The following ZNF503 variants were observed in gnomAD, a reference collection of about 807,000 sequenced individuals.
The protein encoded by ZNF503 is zinc finger protein 503.
In ZNF503, 15 loss-of-function variants were observed where a neutral mutation model predicts 34.4. The ratio of observed to expected loss-of-function variants is 0.44; its 90% CI spans 0.29 to 0.67. The LOEUF (loss-of-function observed/expected upper bound fraction) is 0.67, where lower values mean the gene tolerates loss of function less well. ZNF503 is among the 30% of genes least tolerant of loss of function. The pLI, the probability that ZNF503 is intolerant of heterozygous loss-of-function variation, is 0.13. For synonymous variants in ZNF503, 580 were observed against 456.8 expected, an observed-to-expected ratio of 1.27 and a Z score of -3.44; for missense variants, 1,007 against 926.8, an observed-to-expected ratio of 1.09 and a Z score of -1.12.
chr10:75,399,405 C>T lies in ZNF503; in HGVS notation c.1285G>A (p.Asp429Asn), dbSNP rs763254331. The stretch of plus-strand genomic sequence containing the variant: ...CAGTGGTAGCTGAGGCAGTAAGGGT[C>T]CCGGCACAAACTGGCTGTCATCACG... ...PSVMTASLCR[D>N]PYCLSYHCAS... The change falls in exon 2 of 2, where the codon GAC becomes AAC. Residue 429 changes from aspartate (D) to asparagine (N), a missense_variant. Physicochemically the swap from Asp to Asn is conservative, Grantham distance 23 (BLOSUM62 1). Coordinates refer to ENST00000372524, the MANE Select transcript of ZNF503 (RefSeq NM_032772.6). 6.2e-7 allele frequency: 1 copy of T among 1,605,154 alleles called. No individual in the cohort carries two copies. Among genetic ancestry groups the T allele is most frequent in the Admixed American group, 1.7e-5 (1 of 59,768 alleles).
At chr10:75,360,165 G>C in the ZNF503 span, among the ~76,000 whole-genome samples, 2 of 140,272 alleles carry the variant, frequency 1.4e-5, no homozygotes, top group Non-Finnish European at 3.0e-5. Context: ...CTGTCACCCA[G>C]GCTGGAGTGC....
chr10:75,285,680 G>A, the ZNF503 span, among the ~76,000 whole-genome samples: 3 of 152,192 alleles, frequency 2.0e-5, 1 homozygote, highest in African/African-American at 7.2e-5. Context: ...ATGGAAAATG[G>A]CAAATGCTAC....
the ZNF503 span, among the ~76,000 whole-genome samples, chr10:75,369,507 T>A: frequency 8.5e-5 from 13 of 152,312 alleles, no homozygotes; most frequent in East Asian, 2.3e-3. Flanking sequence ...AAGAAGGACA[T>A]GTTTTCTTCC....
the ZNF503 span, among the ~76,000 whole-genome samples, chr10:75,304,961 GA>G: frequency 2.0e-5 from 3 of 152,034 alleles, no homozygotes; most frequent in East Asian, 5.8e-4. Flanking sequence ...ACTATGAGGG[GA>G]AAAAAGGTCT....
At chr10:75,400,764 A>AC (rs1843789533) in intron 1 of ZNF503, among the ~76,000 whole-genome samples, 1 of 152,204 alleles carries the variant, frequency 6.6e-6, no homozygotes, top group Non-Finnish European at 1.5e-5. Context: ...CTGTGTGCAC[A>AC]CACTGGCTTC....
At chr10:75,332,459 T>A in the ZNF503 span, among the ~76,000 whole-genome samples, 865 of 120,576 alleles carry the variant, frequency 7.2e-3, 9 homozygotes, top group African/African-American at 0.028. Flanking sequence ...TTTTTCAGTT[T>A]AAATTTTTCT....
the ZNF503 span, among the ~76,000 whole-genome samples, chr10:75,375,168 T>C: frequency 3.5e-4 from 53 of 152,350 alleles, 2 homozygotes; most frequent in South Asian, 0.011. Context: ...TTGCCCAGGC[T>C]GGAGTGCAGT....
At chr10:75,364,306 C>T in the ZNF503 span, among the ~76,000 whole-genome samples, 1 of 152,126 alleles carries the variant, frequency 6.6e-6, no homozygotes, top group African/African-American at 2.4e-5. Context: ...CCACTTTTAC[C>T]CCACACTCCC....
In ZNF503 at chr10:75,399,636, G is replaced by A. The variant is rs1161016158; in HGVS notation, c.1054C>T (p.Leu352=). 1 of 1,598,872 alleles carries A rather than the reference G, an allele frequency of 6.3e-7. No homozygotes were observed. The highest frequency in any genetic ancestry group is 2.2e-5 in the East Asian group (1 of 44,868). The change falls in exon 2 of 2, where the codon CTG becomes TTG. Residue 352 remains leucine (L), a synonymous_variant. Coordinates refer to ENST00000372524, the MANE Select transcript of ZNF503 (RefSeq NM_032772.6). ...PYKPGQTVFP[L]PPAGMTYPGS... ...GGGTAGGTCATACCCGCGGGAGGCA[G>A]AGGGAACACTGTCTGGCCCGGCTTG...
chr10:75,282,463 T>C, the ZNF503 span, among the ~76,000 whole-genome samples: 1 of 152,256 alleles, frequency 6.6e-6, no homozygotes, highest in East Asian at 1.9e-4. Flanking sequence ...AGAAAGAGTC[T>C]CAGTTCTTGA....
At chr10:75,396,601 G>T (rs867438436), downstream of ZNF503, among the ~76,000 whole-genome samples, 3 of 152,178 alleles carry the variant, frequency 2.0e-5, no homozygotes, top group African/African-American at 7.2e-5. The surrounding 1 kb of genome is among the most constrained non-coding windows in gnomAD (Gnocchi z 4.4). Flanking sequence ...TCGCGCGGCC[G>T]TGAGTCCCCA....
chr10:75,373,362 C>A, the ZNF503 span: 7 of 152,230 alleles, frequency 4.6e-5, no homozygotes, highest in African/African-American at 1.7e-4. Flanking sequence ...TTTCTCTCCG[C>A]CCAATCCTGT....
chr10:75,381,973 A>G, the ZNF503 span, among the ~76,000 whole-genome samples: 1 of 151,562 alleles, frequency 6.6e-6, no homozygotes, highest in Non-Finnish European at 1.5e-5. Flanking sequence ...TGCTCAACTA[A>G]TTTTTGTATT....
the ZNF503 span, among the ~76,000 whole-genome samples, chr10:75,347,630 C>T: frequency 6.6e-6 from 1 of 152,258 alleles, no homozygotes; most frequent in African/African-American, 2.4e-5. Flanking sequence ...CCTTCTCTCC[C>T]TCGGAGCCTG....
Position 75,398,764 on chromosome 10 carries a change from C to G in ZNF503, c.1926G>C (p.Ala642=). 1.4e-6 allele frequency: 2 copies of G among 1,413,860 alleles called. No homozygotes were observed. Among genetic ancestry groups the G allele is most frequent in the Non-Finnish European group, 1.8e-6 (2 of 1,088,456 alleles). The allele number at this position is 1,413,860 out of a possible 1,614,324, so 87.6% of individuals were successfully genotyped here. The change falls in exon 2 of 2, where the codon GCG becomes GCC. Residue 642 remains alanine, a synonymous_variant. Transcript: ENST00000372524. ...CCGGCCGCCCTCACTGATACCCCAGCGCCGAGGCGGTGGTCAGTCTCTGTC... is the reference window on the plus strand; with the variant it reads ...CCGGCCGCCCTCACTGATACCCCAGGGCCGAGGCGGTGGTCAGTCTCTGTC... The part of the protein sequence containing the change: ...LYGQRLTTAS[A]LGYQ
At chr10:75,296,968 T>A in the ZNF503 span, among the ~76,000 whole-genome samples, 1 of 152,298 alleles carries the variant, frequency 6.6e-6, no homozygotes, top group East Asian at 1.9e-4. Flanking sequence ...TTGCAGTGTC[T>A]TGGCTGGGAA....
the ZNF503 span, chr10:75,382,494 C>T: frequency 1.4e-6 from 1 of 729,386 alleles, no homozygotes; most frequent in Admixed American, 2.5e-5. Context: ...ATTTTGACAG[C>T]AGCAACCTCT....
the ZNF503 span, among the ~76,000 whole-genome samples, chr10:75,304,537 T>C: frequency 6.6e-6 from 1 of 152,222 alleles, no homozygotes; most frequent in Non-Finnish European, 1.5e-5. Context: ...TCTCAATATG[T>C]CCACCAGTTG....
Position 75,401,479 on chromosome 10 carries a change from T to C in ZNF503, c.-60A>G. The C allele has an allele frequency of 6.7e-7, 1 of 1,486,500 alleles. No individual in the cohort carries two copies. The highest frequency in any genetic ancestry group is 8.9e-7 in the Non-Finnish European group (1 of 1,125,746). The allele number at this position is 1,486,500 out of a possible 1,614,324, so 92.1% of individuals were successfully genotyped here. A position where few individuals can be genotyped will look rare whatever the true frequency, so the allele number is the denominator to read the frequency against. Reference sequence around the variant, plus strand: ...GGGCTCCGGGAGGCGCGGGGCGGGCTCGGGGCTGCGCGCTCGCCCCGGGAG... The same window carrying C: ...GGGCTCCGGGAGGCGCGGGGCGGGCCCGGGGCTGCGCGCTCGCCCCGGGAG... On this transcript the variant is annotated 5_prime_UTR_variant, in exon 1 of 2. Coordinates refer to ENST00000372524, the MANE Select transcript of ZNF503 (RefSeq NM_032772.6).
Sources: allele counts gnomAD v4.1 joint callset (sites outside exome capture counted in the v4.1 genomes callset), GRCh38; gene constraint gnomAD v4.1.1; non-coding constraint Gnocchi (gnomAD v3.1); transcripts MANE v1.5; gene names NCBI Gene and HGNC (gene_info 2026-07-23, HGNC 2026-07-21).